Variants in HMCN2 observed in about 807,000 individuals in gnomAD.
HMCN2 encodes hemicentin 2, also known as hemicentin-2.
HMCN2 carries 325 observed loss-of-function variants against 377.5 expected under a neutral mutation model. That is an observed-to-expected ratio of 0.86 (90% CI 0.79 to 0.94). The LOEUF (loss-of-function observed/expected upper bound fraction) is 0.94, where lower values mean the gene tolerates loss of function less well. Among genes scored for constraint, HMCN2 ranks in the 40% least tolerant of loss-of-function variants. The pLI is 0.00. For missense variants in HMCN2, 4,543 were observed against 4,725.3 expected, an observed-to-expected ratio of 0.96 and a Z score of 1.13; for synonymous variants, 2,007 against 2,046.8, an observed-to-expected ratio of 0.98 and a Z score of 0.53.
At chr9:130,317,500 TCTCTC>T (rs1588232752) in intron 15 of HMCN2, among the ~76,000 whole-genome samples, 30 of 143,868 alleles carry the variant, frequency 2.1e-4, no homozygotes, top group South Asian at 4.3e-4. Flanking sequence ...TCTCTCTCTC[TCTCTC>T]TTTTTTGTAG....
chr9:130,311,023 G>C (rs1407177257), intron 15 of HMCN2, among the ~76,000 whole-genome samples: 6 of 152,332 alleles, frequency 3.9e-5, no homozygotes, highest in Non-Finnish European at 8.8e-5. Flanking sequence ...TTGGTGGCCA[G>C]TGCATGGCCT....
Position 130,269,831 on chromosome 9 carries a change from G to C in HMCN2, c.259+3694G>C, listed in dbSNP as rs1234039437. Among the ~76,000 whole-genome samples the C allele has an allele frequency of 1.4e-5, 2 of 146,670 alleles. 1 individual carries two copies. The highest frequency in any genetic ancestry group is 3.1e-5 in the Non-Finnish European group (2 of 65,500). Reference sequence around the variant, plus strand: ...TGTTGTTTGTTTGTTTGTTTTTTGAGATGGAGTCTCGCTCTGTTGCCCAGG... The same window carrying C: ...TGTTGTTTGTTTGTTTGTTTTTTGACATGGAGTCTCGCTCTGTTGCCCAGG... On this transcript the variant is annotated intron_variant, in intron 1 of 97. Transcript: ENST00000683500.
chr9:130,333,774 G>A (rs1179449339), intron 22 of HMCN2, among the ~76,000 whole-genome samples: 2 of 152,214 alleles, frequency 1.3e-5, no homozygotes, highest in African/African-American at 4.8e-5. Context: ...GAAGGAGCAG[G>A]TGGTAGGCTG....
chr9:130,430,259 C>T (rs1193112496), intron 94 of HMCN2, 25 bp from the exon 95 acceptor site: 38 of 1,512,824 alleles, frequency 2.5e-5, no homozygotes, highest in Non-Finnish European at 3.3e-5. Context: ...CACCTGTGCA[C>T]ACACCTGACC....
At position 130,433,528 on chromosome 9, in the gene HMCN2, C is replaced by T. The variant is rs1245153574; in HGVS notation, c.15075C>T (p.Pro5025=). The change falls in exon 98 of 98, where the codon CCC becomes CCT. Residue 5025 remains proline (P), a synonymous_variant. Coordinates refer to ENST00000683500, the MANE Select transcript of HMCN2 (RefSeq NM_001291815.2). ...AGCTCAGCATGCTGGAGCCCGACCC[C>T]CGCAGCCCCTTCGCGCTGCGTCCGC... is the stretch of plus-strand genomic sequence containing the variant. ...RTELSMLEPD[P]RSPFALRPLR... 6.8e-7 allele frequency: 1 copy of T among 1,477,516 alleles called. No homozygotes were observed. Among genetic ancestry groups the T allele is most frequent in the Admixed American group, 2.5e-5 (1 of 39,906 alleles). The allele number at this position is 1,477,516 out of a possible 1,614,324, so 91.5% of individuals were successfully genotyped here.
intron 41 of HMCN2, 78 bp downstream of exon 41, chr9:130,364,967 C>CAG: frequency 1.2e-6 from 1 of 836,616 alleles, no homozygotes; most frequent in Non-Finnish European, 1.4e-6. Flanking sequence ...TGCCCCAGCT[C>CAG]AGTGACCTGC....
At chr9:130,297,435 G>A (rs575717912) in intron 7 of HMCN2, among the ~76,000 whole-genome samples, 2 of 152,298 alleles carry the variant, frequency 1.3e-5, no homozygotes, top group Non-Finnish European at 2.9e-5. Flanking sequence ...TTTCTGGTGC[G>A]GGCTGCCTGA....
At chr9:130,403,679 G>A (rs998605408) in intron 79 of HMCN2, 62 bp from the exon 80 acceptor site, 1 of 1,267,240 alleles carries the variant, frequency 7.9e-7, no homozygotes, top group Non-Finnish European at 1.0e-6. Flanking sequence ...AGCCCAATCT[G>A]CCCACCTCGG....
chr9:130,411,169 A>ACTGCCCC lies in HMCN2; in HGVS notation c.12961+525_12961+531dup, dbSNP rs1317587686. 5.9e-5 allele frequency among the ~76,000 whole-genome samples: 9 copies of ACTGCCCC among 152,104 alleles called. No homozygotes were observed. In the South Asian group the frequency reaches 1.0e-3, roughly 18 times the overall value. On this transcript the variant is annotated intron_variant, in intron 85 of 97. Transcript: ENST00000683500. ...GCCTCCAGCATGCCCACCTCTGCTT[A>ACTGCCCC]CTGCCCCCTGCCCCAATAATCACTG...
intron 51 of HMCN2, 116 bp downstream of exon 51, chr9:130,376,105 C>G (rs1841362393): frequency 9.1e-6 from 2 of 220,678 alleles, no homozygotes; most frequent in South Asian, 3.3e-4. Context: ...GGCATATGTC[C>G]TCTGACAGTC....
chr9:130,412,170 C>G (rs1288644978), intron 85 of HMCN2, among the ~76,000 whole-genome samples: 1 of 152,112 alleles, frequency 6.6e-6, no homozygotes, highest in Non-Finnish European at 1.5e-5. Flanking sequence ...CGGGGTTTCA[C>G]CATGTTGGCC....
rs139910317 is a variant in HMCN2 at position 130,411,473 on chromosome 9, G to A, written c.12961+821G>A. 8.8e-3 allele frequency among the ~76,000 whole-genome samples: 1,329 copies of A among 151,738 alleles called. 5 individuals carry two copies. Among genetic ancestry groups the A allele is most frequent in the South Asian group, 0.021 (103 of 4,798 alleles). On this transcript the variant is annotated intron_variant, in intron 85 of 97. Coordinates refer to ENST00000683500, the MANE Select transcript of HMCN2 (RefSeq NM_001291815.2). ...AAAAATTAGCTGGGCGTGGTGGCAC[G>A]CCTGTAATCCCAGTCATTCAGGAGG...
chr9:130,317,836 C>G (rs1283107730), intron 15 of HMCN2, among the ~76,000 whole-genome samples: 1 of 151,646 alleles, frequency 6.6e-6, no homozygotes, highest in Non-Finnish European at 1.5e-5. Context: ...GGAGACAAAG[C>G]AGCGCTGTTT....
At chr9:130,431,954 G>A (rs1054331112) in intron 96 of HMCN2, among the ~76,000 whole-genome samples, 2 of 152,214 alleles carry the variant, frequency 1.3e-5, no homozygotes, top group Non-Finnish European at 2.9e-5. Context: ...ACGGGGCTGG[G>A]GCCGGTCATG....
At position 130,414,554 on chromosome 9, in the gene HMCN2, T is replaced by C. The variant is rs760876764; in HGVS notation, c.12961+3902T>C. On this transcript the variant is annotated intron_variant, in intron 85 of 97. Transcript: ENST00000683500. The surrounding 1 kb of genome is among the most constrained non-coding windows in gnomAD (Gnocchi z 4.4). ...ACACCAGGAACAAGGAAAATCTCAATGAAAGCAGACAACAGATGCCTACTG... is the reference window on the plus strand; with the variant it reads ...ACACCAGGAACAAGGAAAATCTCAACGAAAGCAGACAACAGATGCCTACTG... Among the ~76,000 whole-genome samples the C allele has an allele frequency of 3.3e-5, 5 of 151,016 alleles. No individual in the cohort carries two copies. Among genetic ancestry groups the C allele is most frequent in the African/African-American group, 7.3e-5 (3 of 41,072 alleles).
intron 11 of HMCN2, among the ~76,000 whole-genome samples, chr9:130,305,555 C>T: frequency 6.6e-6 from 1 of 152,146 alleles, no homozygotes; most frequent in Non-Finnish European, 1.5e-5. Flanking sequence ...GAGTGGCTGC[C>T]AGAGTGTGTT....
chr9:130,422,697 G>A lies in HMCN2; in HGVS notation c.13352G>A (p.Ser4451Asn). The change falls in exon 87 of 98, where the codon AGC becomes AAC. Residue 4451 changes from serine (S) to asparagine (N), a missense_variant. Physicochemically the swap from Ser to Asn is conservative, Grantham distance 46. Coordinates refer to ENST00000683500, the MANE Select transcript of HMCN2 (RefSeq NM_001291815.2). This position sits in a 1 kb window ranked among gnomAD's most constrained non-coding sequence, Gnocchi z 4.2. ...CACTCCGGGGTCAGCAGCATCCACAGCAGCATCCGCCATGTCCCAGCAAAC... is the reference window on the plus strand; with the variant it reads ...CACTCCGGGGTCAGCAGCATCCACAACAGCATCCGCCATGTCCCAGCAAAC... The part of the protein sequence containing the change: ...EAHSGVSSIH[S>N]SIRHVPANVG... The A allele has an allele frequency of 7.8e-7, 1 of 1,288,466 alleles. No homozygotes were observed. The allele number at this position is 1,288,466 out of a possible 1,614,324, so 79.8% of individuals were successfully genotyped here. A position where few individuals can be genotyped will look rare whatever the true frequency, so the allele number is the denominator to read the frequency against.
chr9:130,364,082 C>T (rs1840557520), intron 40 of HMCN2, among the ~76,000 whole-genome samples: 1 of 152,214 alleles, frequency 6.6e-6, no homozygotes, highest in Non-Finnish European at 1.5e-5. Context: ...AGCTCTTTCC[C>T]TTTGCTGGAG....
In HMCN2 at chr9:130,386,475, C is replaced by T. The variant is rs758813582; in HGVS notation, c.9342C>T (p.Val3114=). ...VSDKGLYSCK[V]SNVAGEAVRT... ...ATAAAGGTTTATACAGCTGTAAAGT[C>T]AGCAACGTGGCTGGGGAGGCCGTGC... Residue 3114 remains valine, a synonymous_variant, in exon 61 of 98, where the codon GTC becomes GTT. Coordinates refer to ENST00000683500, the MANE Select transcript of HMCN2 (RefSeq NM_001291815.2). 7.7e-7 allele frequency: 1 copy of T among 1,304,042 alleles called. No homozygotes were observed. Among genetic ancestry groups the T allele is most frequent in the South Asian group, 1.2e-5 (1 of 81,008 alleles). 80.8% of individuals were successfully genotyped at this position (1,304,042 alleles called of 1,614,324 possible).
Sources: allele counts gnomAD v4.1 joint callset (sites outside exome capture counted in the v4.1 genomes callset), GRCh38; gene constraint gnomAD v4.1.1; non-coding constraint Gnocchi (gnomAD v3.1); transcripts MANE v1.5; gene names NCBI Gene and HGNC (gene_info 2026-07-23, HGNC 2026-07-21).